Variants in TMPRSS9 observed in about 807,000 individuals in gnomAD.
TMPRSS9 encodes transmembrane serine protease 9, also known as transmembrane protease serine 9.
TMPRSS9 carries 113 observed loss-of-function variants against 111.4 expected under a neutral mutation model. That is an observed-to-expected ratio of 1.01 (90% CI 0.87 to 1.19). The LOEUF (loss-of-function observed/expected upper bound fraction) is 1.19, where lower values mean the gene tolerates loss of function less well. Among genes scored for constraint, TMPRSS9 ranks in the 50% most tolerant of loss-of-function variants. TMPRSS9 has a pLI of 0.00. For synonymous variants in TMPRSS9, 805 were observed against 659.1 expected (o/e 1.22, Z -3.39); for missense variants, 1,803 against 1,513.1 (o/e 1.19, Z -3.18).
At chr19:2,418,462 T>C (rs867852129) in intron 13 of TMPRSS9, among the ~76,000 whole-genome samples, 1 of 12,778 alleles carries the variant, frequency 7.8e-5, no homozygotes, top group Non-Finnish European at 1.2e-4. Flanking sequence ...TCCCTCCCTT[T>C]CCTTCCCTCC....
intron 4 of TMPRSS9, among the ~76,000 whole-genome samples, chr19:2,401,143 G>C (rs896846354): frequency 1.3e-5 from 2 of 151,958 alleles, no homozygotes; most frequent in African/African-American, 4.8e-5. Flanking sequence ...GCGTGGTGGC[G>C]GGCGCCTGTA....
chr19:2,368,000 C>T (rs1970261075), intron 1 of TMPRSS9, among the ~76,000 whole-genome samples: 1 of 152,206 alleles, frequency 6.6e-6, no homozygotes, highest in Admixed American at 6.6e-5. Context: ...CATGAGCCAC[C>T]ATGCCTGGCT....
chr19:2,408,608 G>A lies in TMPRSS9; in HGVS notation c.1095G>A (p.Trp365Ter), dbSNP rs770346795. 1 of 1,612,594 alleles carries A rather than the reference G, an allele frequency of 6.2e-7. No homozygotes were observed. The highest frequency in any genetic ancestry group is 1.7e-5 in the Admixed American group (1 of 59,968). The stretch of plus-strand genomic sequence containing the variant: ...GCAAGAAGTGCCTGATCTCAGGCTG[G>A]GGCTACCTCAAGGAGGACTTCCGTA... The change falls in exon 8 of 18, where the codon TGG becomes TGA. Residue 365 changes from tryptophan to a stop codon, truncating the protein, a stop_gained. Coordinates refer to ENST00000648592, the Ensembl canonical transcript of TMPRSS9. LOFTEE classifies it high-confidence loss of function.
intron 1 of TMPRSS9, among the ~76,000 whole-genome samples, chr19:2,366,230 C>G (rs1401064471): frequency 1.3e-5 from 2 of 151,820 alleles, no homozygotes; most frequent in Non-Finnish European, 2.9e-5. Flanking sequence ...ACCTGTAGTC[C>G]TAGCTACTCA....
At chr19:2,415,559 T>A (rs1277419192) in intron 10 of TMPRSS9, 111 bp from the exon 12 acceptor site, 1 of 1,024,386 alleles carries the variant, frequency 9.8e-7, no homozygotes, top group Admixed American at 3.3e-5. Context: ...ACGGGAGGGA[T>A]TGCGGCATCT....
chr19:2,365,341 A>C (rs534986880), intron 1 of TMPRSS9, among the ~76,000 whole-genome samples: 62 of 152,288 alleles, frequency 4.1e-4, no homozygotes, highest in Admixed American at 2.5e-3. Flanking sequence ...CAAAATGAAA[A>C]AAAAAAGGAG....
At chr19:2,375,831 G>T (rs1303698083) in intron 1 of TMPRSS9, among the ~76,000 whole-genome samples, 1 of 152,156 alleles carries the variant, frequency 6.6e-6, no homozygotes, top group Non-Finnish European at 1.5e-5. Context: ...AAGGGACAAA[G>T]CAGATCAACG....
upstream of TMPRSS9, among the ~76,000 whole-genome samples, chr19:2,387,359 G>A (rs1372714292): frequency 6.6e-5 from 10 of 152,170 alleles, no homozygotes; most frequent in East Asian, 1.7e-3. Context: ...GCCAGGTGTG[G>A]TGCTGGGCGC....
intron 12 of TMPRSS9, among the ~76,000 whole-genome samples, chr19:2,417,589 A>C (rs1971276746): frequency 6.6e-6 from 1 of 152,134 alleles, no homozygotes; most frequent in East Asian, 1.9e-4. Flanking sequence ...TCAAGGCCGC[A>C]GTGAGCCATG....
intron 7 of TMPRSS9, among the ~76,000 whole-genome samples, chr19:2,407,195 T>C (rs1970985589): frequency 6.6e-6 from 1 of 151,958 alleles, no homozygotes; most frequent in Admixed American, 6.6e-5. Flanking sequence ...ATCCCAACTC[T>C]GTCTCATCCT....
rs531358290 is a variant in TMPRSS9 at position 2,424,085 on chromosome 19, G to T, written c.2549-4G>T. On this transcript the variant is annotated splice_polypyrimidine_tract_variant and splice_region_variant and intron_variant, in intron 14 of 17. Transcript: ENST00000648592. ...GCCTGCCCACGCGCCTGGCTCCCCCGCAGACTGTGGCCTGGCGCCGGCCGC... is the reference window on the plus strand; with the variant it reads ...GCCTGCCCACGCGCCTGGCTCCCCCTCAGACTGTGGCCTGGCGCCGGCCGC... The T allele has an allele frequency of 7.8e-7, 1 of 1,284,888 alleles. No individual in the cohort carries two copies. Among genetic ancestry groups the T allele is most frequent in the Non-Finnish European group, 9.9e-7 (1 of 1,013,518 alleles). 79.6% of individuals were successfully genotyped at this position (1,284,888 alleles called of 1,614,324 possible).
At chr19:2,418,272 C>CCTCCTTTTCCTTT in intron 13 of TMPRSS9, 134 bp downstream of exon 14, 1 of 694,418 alleles carries the variant, frequency 1.4e-6, no homozygotes, top group Non-Finnish European at 1.9e-6. Flanking sequence ...CCTTGTCCTT[C>CCTCCTTTTCCTTT]CCTCCTTTTC....
chr19:2,367,201 TG>T (rs150723741), intron 1 of TMPRSS9, among the ~76,000 whole-genome samples: 4,941 of 152,216 alleles, frequency 0.032, 287 homozygotes, highest in African/African-American at 0.11. Flanking sequence ...CTCTGCTAGG[TG>T]AGGATAGCAA....
intron 1 of TMPRSS9, 85 bp downstream of exon 2, chr19:2,390,012 G>A (rs1017910240): frequency 6.6e-7 from 1 of 1,518,908 alleles, no homozygotes; most frequent in Non-Finnish European, 8.9e-7. Flanking sequence ...TGTCTCCTTG[G>A]CCATCTGGAA....
At position 2,410,401 on chromosome 19, in the gene TMPRSS9, C is replaced by T; in HGVS notation, c.1254+7C>T. The T allele has an allele frequency of 1.2e-6, 2 of 1,613,610 alleles. No homozygotes were observed. The highest frequency in any genetic ancestry group is 2.2e-5 in the South Asian group (2 of 91,078). On this transcript the variant is annotated splice_region_variant and intron_variant, in intron 9 of 17. Transcript: ENST00000648592. Reference sequence around the variant, plus strand: ...GAAGGTGGACTCCTGCCAGGTGAGCCCCCGATGCCCCAGACCCCAGAAAAA... The same window carrying T: ...GAAGGTGGACTCCTGCCAGGTGAGCTCCCGATGCCCCAGACCCCAGAAAAA...
At position 2,418,179 on chromosome 19, in the gene TMPRSS9, A is replaced by T. The variant is rs1043521212; in HGVS notation, c.2154+41A>T. On this transcript the variant is annotated intron_variant, in intron 13 of 17. Transcript: ENST00000648592. ...GGGAAAGCGGGCAATATTTCCATGAAATGCCCACAGCCGTTCACCCAGCAG... is the reference window on the plus strand; with the variant it reads ...GGGAAAGCGGGCAATATTTCCATGATATGCCCACAGCCGTTCACCCAGCAG... The T allele has an allele frequency of 1.9e-6, 3 of 1,549,430 alleles. No individual in the cohort carries two copies. The African/African-American group carries it at 4.3e-5, about 22-fold the overall frequency.
At chr19:2,424,512 C>A (rs1971553109) in intron 15 of TMPRSS9, among the ~76,000 whole-genome samples, 1 of 149,622 alleles carries the variant, frequency 6.7e-6, no homozygotes, top group African/African-American at 2.5e-5. Flanking sequence ...CCCCGCGGTC[C>A]CCACCTAACC....
In TMPRSS9 at chr19:2,424,317, T is replaced by G. The variant is rs1971543735; in HGVS notation, c.2717+60T>G. 7 of 1,288,526 alleles carry G rather than the reference T, an allele frequency of 5.4e-6. No homozygotes were observed. In the South Asian group the frequency reaches 2.1e-4, roughly 38 times the overall value. The allele number at this position is 1,288,526 out of a possible 1,614,324, so 79.8% of individuals were successfully genotyped here. On this transcript the variant is annotated intron_variant, in intron 15 of 17. Transcript: ENST00000648592. The stretch of plus-strand genomic sequence containing the variant: ...CTCTGTAGCTCACCCGGAACCGAAC[T>G]GTTGCCCGAAAACGCACCCTGACCC...
Position 2,375,765 on chromosome 19 carries a change from T to C in TMPRSS9, c.-25-13996T>C, listed in dbSNP as rs571096400. On this transcript the variant is annotated intron_variant, in intron 1 of 17. Transcript: ENST00000649857. ...ACAGCAGGGATGAGGTGGACCTTCA[T>C]TGAAGAAAGGGATGCTGGGCAGACA... 9.9e-5 allele frequency among the ~76,000 whole-genome samples: 15 copies of C among 152,190 alleles called. No individual in the cohort carries two copies. In the South Asian group the frequency reaches 1.5e-3, roughly 15 times the overall value.
Sources: gnomAD v4.1 joint callset for allele counts (sites outside exome capture counted in the v4.1 genomes callset) on GRCh38, gnomAD v4.1.1 for gene constraint, MANE v1.5 for transcripts, NCBI Gene and HGNC (gene_info 2026-07-23, HGNC 2026-07-21) for gene names.